Variants in ITGBL1 observed in about 807,000 individuals in gnomAD.
ITGBL1 encodes integrin subunit beta like 1.
ITGBL1 carries 51 observed loss-of-function variants against 68.5 expected under a neutral mutation model. That is an observed-to-expected ratio of 0.74 (90% confidence interval 0.59 to 0.94). The LOEUF (loss-of-function observed/expected upper bound fraction) is 0.94. Among genes scored for constraint, ITGBL1 ranks in the 40% least tolerant of loss-of-function variants. The pLI is 0.00. For synonymous variants in ITGBL1, 209 were observed against 227.3 expected, an observed-to-expected ratio of 0.92 and a Z score of 0.72; for missense variants, 649 against 647.4, an observed-to-expected ratio of 1.00 and a Z score of -0.03.
At position 101,605,598 on chromosome 13, in the gene ITGBL1, G is replaced by A. The variant is rs1010484746; in HGVS notation, c.1015+7299G>A. 4.6e-5 allele frequency among the ~76,000 whole-genome samples: 7 copies of A among 150,858 alleles called. No individual in the cohort carries two copies. The South Asian group carries it at 8.4e-4, about 18-fold the overall frequency. On this transcript the variant is annotated intron_variant, in intron 7 of 10. Coordinates refer to ENST00000376180, the MANE Select transcript of ITGBL1 (RefSeq NM_004791.3). ...TATATACACGTATTTAGACACGTAC[G>A]TGTGTATATGCGTATATATATACAC...
chr13:101,574,237 A>C (rs529342051), intron 3 of ITGBL1, among the ~76,000 whole-genome samples: 2 of 100,992 alleles, frequency 2.0e-5, no homozygotes, highest in South Asian at 6.9e-4. Flanking sequence ...TATTCATTTC[A>C]TGCCACTTTT....
chr13:101,547,886 T>C lies in ITGBL1; in HGVS notation c.317-19813T>C, dbSNP rs185391602. Among the ~76,000 whole-genome samples, 640 of 150,114 alleles carry C rather than the reference T, an allele frequency of 4.3e-3. 4 individuals carry two copies. The highest frequency in any genetic ancestry group is 9.2e-3 in the Admixed American group (139 of 15,138). On this transcript the variant is annotated intron_variant, in intron 2 of 10. Coordinates refer to ENST00000376180, the MANE Select transcript of ITGBL1 (RefSeq NM_004791.3). ...AAAAATTGCTTTCTTACATTAAATA[T>C]GTGTATATATCTCTGTGTGTGTGTA...
intron 2 of ITGBL1, among the ~76,000 whole-genome samples, chr13:101,514,584 C>A (rs1268030531): frequency 6.6e-6 from 1 of 151,964 alleles, no homozygotes; most frequent in Non-Finnish European, 1.5e-5. Flanking sequence ...AATATAAAAA[C>A]AAATTAATTG....
chr13:101,656,193 T>C (rs1259037829), intron 7 of ITGBL1, among the ~76,000 whole-genome samples: 2 of 152,180 alleles, frequency 1.3e-5, no homozygotes, highest in African/African-American at 4.8e-5. Flanking sequence ...CAAGGTTCTT[T>C]TGAAGTTTTA....
At chr13:101,604,233 T>C (rs2030556169) in intron 7 of ITGBL1, among the ~76,000 whole-genome samples, 1 of 151,896 alleles carries the variant, frequency 6.6e-6, no homozygotes, top group Admixed American at 6.6e-5. Context: ...AATGAAATTA[T>C]TGGGGACTTA....
Position 101,692,632 on chromosome 13 carries a change from C to T in ITGBL1, c.1063C>T (p.Arg355Trp), listed in dbSNP as rs370206931. 51 of 1,613,668 alleles carry T rather than the reference C, an allele frequency of 3.2e-5. No homozygotes were observed. The highest frequency in any genetic ancestry group is 1.3e-4 in the African/African-American group (10 of 74,874). The part of the protein sequence containing the change: ...KCTCYPPGDR[R>W]VYGKTCECDD... ...CACCTGCTATCCTCCAGGAGATCGC[C>T]GGGTGTATGGCAAGACTTGTGAGTG... Residue 355 changes from arginine (R) to tryptophan (W), a missense_variant, in exon 8 of 11, where the codon CGG becomes TGG. Transcript: ENST00000376180.
chr13:101,720,528 CTCTGTGTGTGTGTG>C (rs1159911488), downstream of ITGBL1: 4 of 92,768 alleles, frequency 4.3e-5, no homozygotes, highest in African/African-American at 1.9e-4. Flanking sequence ...GGGGTGTTTG[CTCTGTGTGTGTGTG>C]TGTGTGTGTG....
chr13:101,644,947 T>C (rs1269878621), intron 7 of ITGBL1, among the ~76,000 whole-genome samples: 1 of 152,210 alleles, frequency 6.6e-6, no homozygotes, highest in Non-Finnish European at 1.5e-5. Flanking sequence ...AAGATGAATG[T>C]CATCAAAATA....
intron 4 of ITGBL1, among the ~76,000 whole-genome samples, chr13:101,577,551 A>C (rs974178050): frequency 6.6e-6 from 1 of 152,268 alleles, no homozygotes; most frequent in Non-Finnish European, 1.5e-5. Context: ...GAATTGTATA[A>C]ATATTCAAAG....
At chr13:101,657,690 C>T (rs2032969580) in intron 7 of ITGBL1, among the ~76,000 whole-genome samples, 1 of 152,172 alleles carries the variant, frequency 6.6e-6, no homozygotes. Context: ...CCCATGGGGC[C>T]ATCAGTATTC....
intron 2 of ITGBL1, among the ~76,000 whole-genome samples, chr13:101,476,905 C>T (rs1423619598): frequency 6.6e-6 from 1 of 152,094 alleles, no homozygotes; most frequent in Non-Finnish European, 1.5e-5. Context: ...GAGCTAAAGA[C>T]TTTAACACCC....
chr13:101,482,373 CTTATCTGCCTTGTTAA>C (rs1269463971), intron 2 of ITGBL1, among the ~76,000 whole-genome samples: 1 of 151,026 alleles, frequency 6.6e-6, no homozygotes, highest in African/African-American at 2.4e-5. Flanking sequence ...TAAAATGATA[CTTATCTGCCTTGTTAA>C]TTATATTTAT....
intron 7 of ITGBL1, among the ~76,000 whole-genome samples, chr13:101,660,601 C>T (rs1161875814): frequency 6.6e-6 from 1 of 152,074 alleles, no homozygotes. Context: ...AACCTGGTGG[C>T]CTTTTATTAG....
At chr13:101,686,882 T>G (rs1415772566) in intron 7 of ITGBL1, among the ~76,000 whole-genome samples, 2 of 152,118 alleles carry the variant, frequency 1.3e-5, no homozygotes, top group African/African-American at 4.8e-5. Flanking sequence ...ATTCTAAAAT[T>G]TTAAGCTTCC....
chr13:101,638,872 A>G (rs2032263875), intron 7 of ITGBL1, among the ~76,000 whole-genome samples: 1 of 152,190 alleles, frequency 6.6e-6, no homozygotes. Flanking sequence ...ATTATTTAAT[A>G]TTGCATTTTG....
At chr13:101,530,081 G>A (rs867502416) in intron 2 of ITGBL1, among the ~76,000 whole-genome samples, 10 of 152,102 alleles carry the variant, frequency 6.6e-5, no homozygotes, top group African/African-American at 2.2e-4. Context: ...CAACCAAAAT[G>A]CCTAGAGAGA....
chr13:101,472,795 A>T lies in ITGBL1; in HGVS notation c.316+18695A>T, dbSNP rs564617364. Among the ~76,000 whole-genome samples the T allele has an allele frequency of 8.5e-4, 129 of 152,246 alleles. No homozygotes were observed. The Middle Eastern group carries it at 0.017, about 20-fold the overall frequency. On this transcript the variant is annotated intron_variant, in intron 2 of 10. Transcript: ENST00000376180. ...AAAGTTTCATCAATTTTGAAATTTA[A>T]TATACATTTTGATTTGATGTCCATA...
intron 7 of ITGBL1, among the ~76,000 whole-genome samples, chr13:101,663,808 C>A (rs2033145801): frequency 6.6e-6 from 1 of 151,950 alleles, no homozygotes; most frequent in African/African-American, 2.4e-5. Flanking sequence ...TGCACTAAAA[C>A]TTGGATGATG....
Position 101,605,206 on chromosome 13 carries a change from G to A in ITGBL1, c.1015+6907G>A, listed in dbSNP as rs189819109. Among the ~76,000 whole-genome samples the A allele has an allele frequency of 1.5e-3, 208 of 142,516 alleles. 8 individuals carry two copies. The highest frequency in any genetic ancestry group is 5.4e-3 in the African/African-American group (200 of 37,124). 93.5% of individuals were successfully genotyped at this position (142,516 alleles called of 152,430 possible). A position where few individuals can be genotyped will look rare whatever the true frequency, so the allele number is the denominator to read the frequency against. On this transcript the variant is annotated intron_variant, in intron 7 of 10. Transcript: ENST00000376180. ...TAGACATAGGCATGTGTGTATATGCGTATATATACACATATAGACATAGGC... is the reference window on the plus strand; with the variant it reads ...TAGACATAGGCATGTGTGTATATGCATATATATACACATATAGACATAGGC...
Sources: allele counts gnomAD v4.1 joint callset (sites outside exome capture counted in the v4.1 genomes callset), GRCh38; gene constraint gnomAD v4.1.1; transcripts MANE v1.5; gene names NCBI Gene and HGNC (gene_info 2026-07-23, HGNC 2026-07-21).